The following GRAMD1B variants were observed in gnomAD, a reference collection of about 807,000 sequenced individuals.
GRAMD1B encodes the protein GRAM domain containing 1B, also known as protein Aster-B.
A neutral mutation model predicts 99.7 loss-of-function variants in GRAMD1B; 37 were observed. That is an observed-to-expected ratio of 0.37 (90% CI 0.29 to 0.49). The LOEUF (loss-of-function observed/expected upper bound fraction) is 0.49, where lower values mean the gene tolerates loss of function less well. Among genes scored for constraint, GRAMD1B ranks in the 20% least tolerant of loss-of-function variants. The probability of loss-of-function intolerance (pLI) is 0.98; values close to 1 mark genes in which losing one functional copy is unlikely to be tolerated. For missense variants in GRAMD1B, 888 were observed against 1,009.2 expected (o/e 0.88, Z 1.63); for synonymous variants, 427 against 387.6 (o/e 1.10, Z -1.19).
At chr11:123,442,234 G>T (rs1389590631) in intron 1 of GRAMD1B, among the ~76,000 whole-genome samples, 2 of 152,186 alleles carry the variant, frequency 1.3e-5, no homozygotes, top group Admixed American at 6.5e-5. Flanking sequence ...TCACAAGTTA[G>T]AGCTACCTGT....
intron 5 of GRAMD1B, among the ~76,000 whole-genome samples, chr11:123,594,502 C>G (rs1356600937): frequency 2.6e-5 from 4 of 152,188 alleles, no homozygotes; most frequent in African/African-American, 9.7e-5. Context: ...CCCACTTTGC[C>G]TTCACATTTA....
chr11:123,537,798 C>T (rs1944119305), intron 2 of GRAMD1B, among the ~76,000 whole-genome samples: 1 of 152,156 alleles, frequency 6.6e-6, no homozygotes, highest in Non-Finnish European at 1.5e-5. Context: ...AATGATAGTT[C>T]TCCTTTTTAC....
chr11:123,502,667 C>T (rs1452738001), intron 2 of GRAMD1B, among the ~76,000 whole-genome samples: 3 of 150,840 alleles, frequency 2.0e-5, no homozygotes, highest in South Asian at 2.1e-4. Flanking sequence ...CCCAGCTAAT[C>T]GGGAGGCTGA....
chr11:123,598,697 C>T (rs1475217620), intron 7 of GRAMD1B: 2 of 985,382 alleles, frequency 2.0e-6, no homozygotes, highest in Non-Finnish European at 3.3e-6. Flanking sequence ...CCAACTCCTC[C>T]CAGGAGGAGA....
In GRAMD1B at chr11:123,593,736, A is replaced by G. The variant is rs1950937867; in HGVS notation, c.685-346A>G. On this transcript the variant is annotated intron_variant, in intron 4 of 19. Coordinates refer to ENST00000635736, the MANE Select transcript of GRAMD1B (RefSeq NM_001387025.1). ...GCTTCACTGTCAAGGTGGTGCTGGC[A>G]GAAGGCAGAACAGCAGTAGCTGGCA... Among the ~76,000 whole-genome samples, 3 of 152,168 alleles carry G rather than the reference A, an allele frequency of 2.0e-5. No homozygotes were observed. In the South Asian group the frequency reaches 6.2e-4, roughly 32 times the overall value.
intron 2 of GRAMD1B, among the ~76,000 whole-genome samples, chr11:123,531,248 G>A (rs925126663): frequency 1.4e-4 from 21 of 152,266 alleles, no homozygotes; most frequent in African/African-American, 5.1e-4. Context: ...GGTCATCTAG[G>A]CATTTAAATC....
intron 1 of GRAMD1B, among the ~76,000 whole-genome samples, chr11:123,443,111 T>C (rs1367047377): frequency 6.6e-6 from 1 of 152,216 alleles, no homozygotes; most frequent in Non-Finnish European, 1.5e-5. Flanking sequence ...TTACTGCGAA[T>C]GTAGTCCAGC....
chr11:123,438,092 C>T (rs978974280), intron 1 of GRAMD1B, among the ~76,000 whole-genome samples: 2 of 152,162 alleles, frequency 1.3e-5, no homozygotes, highest in Admixed American at 6.5e-5. Context: ...AAAACTTCCA[C>T]CAGATTCATA....
upstream of GRAMD1B, among the ~76,000 whole-genome samples, chr11:123,427,355 T>C (rs1231256529): frequency 6.6e-6 from 1 of 152,156 alleles, no homozygotes. Flanking sequence ...AACTACTGAA[T>C]CTCTCTGTCC....
In GRAMD1B at chr11:123,591,685, C is replaced by G. The variant is rs2136495841; in HGVS notation, c.685-2397C>G. ...CCATTTTAAATTGAAATAGGTGAGC[C>G]AGGCCCCGCCTTTGGGGGTGGAGGA... is the stretch of plus-strand genomic sequence containing the variant. On this transcript the variant is annotated intron_variant, in intron 4 of 19. Transcript: ENST00000635736. The surrounding 1 kb of genome is among the most constrained non-coding windows in gnomAD (Gnocchi z 4.7). The G allele has an allele frequency of 2.5e-6, 1 of 394,064 alleles. No homozygotes were observed. The highest frequency in any genetic ancestry group is 2.1e-5 in the African/African-American group (1 of 48,656). 24.4% of individuals were successfully genotyped at this position (394,064 alleles called of 1,614,324 possible).
chr11:123,560,172 G>C, intron 2 of GRAMD1B: 1 of 999,090 alleles, frequency 1.0e-6, no homozygotes, highest in African/African-American at 1.7e-5. Flanking sequence ...ACCGGCAGGC[G>C]ACGTGTGTGC....
At chr11:123,456,064 G>T (rs951744905) in intron 1 of GRAMD1B, among the ~76,000 whole-genome samples, 1 of 152,086 alleles carries the variant, frequency 6.6e-6, no homozygotes, top group Admixed American at 6.6e-5. Context: ...CCAGCTACTC[G>T]GAAGCCTGAG....
At chr11:123,565,420 A>G (rs1947254942) in intron 2 of GRAMD1B, among the ~76,000 whole-genome samples, 2 of 152,226 alleles carry the variant, frequency 1.3e-5, no homozygotes, top group African/African-American at 2.4e-5. Context: ...AACAACCATG[A>G]CACTGTTGCT....
chr11:123,370,253 T>A (rs529002377), intron 1 of GRAMD1B, among the ~76,000 whole-genome samples: 49 of 150,012 alleles, frequency 3.3e-4, no homozygotes, highest in Non-Finnish European at 6.2e-4. Context: ...GAGGTGGAGG[T>A]TGCACTGAGC....
At chr11:123,602,198 A>G (rs1416968685) in intron 8 of GRAMD1B, among the ~76,000 whole-genome samples, 2 of 152,142 alleles carry the variant, frequency 1.3e-5, no homozygotes, top group Admixed American at 6.5e-5. Context: ...CTGCCATTCC[A>G]GGCACTTCTC....
In GRAMD1B at chr11:123,438,503, T is replaced by G. The variant is rs200388696; in HGVS notation, c.374+7337T>G. Among the ~76,000 whole-genome samples the G allele has an allele frequency of 1.1e-4, 17 of 152,162 alleles. No individual in the cohort carries two copies. In the East Asian group the frequency reaches 3.1e-3, roughly 28 times the overall value. ...GGTGTGAGGATGACCCTGTTGACGG[T>G]CTAGGTGGACTCCTCCGTGAGAATC... On this transcript the variant is annotated intron_variant, in intron 1 of 19. Coordinates refer to ENST00000635736, the MANE Select transcript of GRAMD1B (RefSeq NM_001387025.1).
At chr11:123,402,419 T>C (rs1343053368) in intron 1 of GRAMD1B, among the ~76,000 whole-genome samples, 1 of 152,240 alleles carries the variant, frequency 6.6e-6, no homozygotes, top group East Asian at 1.9e-4. Context: ...ATCATTGTTA[T>C]TTTTATTAGC....
chr11:123,545,702 A>G (rs561808889), intron 2 of GRAMD1B, among the ~76,000 whole-genome samples: 1 of 152,348 alleles, frequency 6.6e-6, no homozygotes, highest in South Asian at 2.1e-4. Flanking sequence ...TTACAACAGA[A>G]CTGCCTCATT....
Position 123,531,821 on chromosome 11 carries a change from C to T in GRAMD1B, c.453-45546C>T, listed in dbSNP as rs184513075. 4.0e-3 allele frequency among the ~76,000 whole-genome samples: 610 copies of T among 150,832 alleles called. 11 individuals carry two copies. The highest frequency in any genetic ancestry group is 0.014 in the African/African-American group (563 of 40,870). ...TGCGATCTCGGCTCACCTCAACCTC[C>T]GCCTCCCGGGTTCAAGTGATTCTCC... On this transcript the variant is annotated intron_variant, in intron 2 of 19. Transcript: ENST00000635736.
Sources: gnomAD v4.1 joint callset for allele counts (sites outside exome capture counted in the v4.1 genomes callset) on GRCh38, gnomAD v4.1.1 for gene constraint, Gnocchi (gnomAD v3.1) non-coding constraint, MANE v1.5 for transcripts, NCBI Gene and HGNC (gene_info 2026-07-23, HGNC 2026-07-21) for gene names.